TIRAP: variants seen among roughly 807,000 people sequenced by gnomAD.
The protein encoded by TIRAP is TIR domain containing adaptor protein, also known as toll/interleukin-1 receptor domain-containing adapter protein.
TIRAP carries 20 observed loss-of-function variants against 19.8 expected under a neutral mutation model. The observed-to-expected ratio is 1.01, with a 90% CI of 0.71 to 1.47. The LOEUF (loss-of-function observed/expected upper bound fraction) is 1.47. TIRAP is among the 40% of genes most tolerant of loss of function. The pLI is 0.00. For missense variants in TIRAP, 276 were observed against 285.1 expected, an observed-to-expected ratio of 0.97 and a Z score of 0.23; for synonymous variants, 125 against 121.7, an observed-to-expected ratio of 1.03 and a Z score of -0.18.
rs559677379 is a variant in TIRAP, at chr11:126,292,906, C to G, written c.497C>G (p.Thr166Ser). 2 of 1,613,730 alleles carry G rather than the reference C, an allele frequency of 1.2e-6. No individual in the cohort carries two copies. Among genetic ancestry groups the G allele is most frequent in the Non-Finnish European group, 1.7e-6 (2 of 1,179,946 alleles). ...AAGTACCAGATGCTGCAGGCCCTGA[C>G]CGAGGCTCCAGGGGCCGAGGGCTGC... Reference protein sequence around the residue: ...WCKYQMLQALTEAPGAEGCTI... With the variant: ...WCKYQMLQALSEAPGAEGCTI... Residue 166 changes from threonine (T) to serine (S), a missense_variant, in exon 4 of 5, where the codon ACC (threonine) becomes AGC (serine). Thr to Ser is a moderately conservative substitution (Grantham distance 58, BLOSUM62 1). Coordinates refer to ENST00000392679, the MANE Select transcript of TIRAP (RefSeq NM_001318777.2).
rs371258734 is a variant in TIRAP, at chr11:126,292,630, C to T, written c.221C>T (p.Ala74Val). 58 of 1,614,046 alleles carry T rather than the reference C, an allele frequency of 3.6e-5. No homozygotes were observed. The highest frequency in any genetic ancestry group is 5.5e-5 in the South Asian group (5 of 91,076). Residue 74 changes from alanine (A) to valine (V), a missense_variant, in exon 4 of 5, where the codon GCG (alanine) becomes GTG (valine). Transcript: ENST00000392679. ...TCTCCCAGCCTGCCACCCACACATGCGAGTGACAGTGGCAGTAGTCGCTGG... is the reference window on the plus strand; with the variant it reads ...TCTCCCAGCCTGCCACCCACACATGTGAGTGACAGTGGCAGTAGTCGCTGG... ...VTSPSLPPTH[A>V]SDSGSSRWSK...
chr11:126,291,159 C>T lies in TIRAP; in HGVS notation c.67+198C>T, dbSNP rs776177920. On this transcript the variant is annotated intron_variant, in intron 3 of 4. Coordinates refer to ENST00000392679, the MANE Select transcript of TIRAP (RefSeq NM_001318777.2). This position sits in a 1 kb window ranked among gnomAD's most constrained non-coding sequence, Gnocchi z 5.6. ...GAGGCCTGCGTCAGCTCAGCCAGAT[C>T]TTTATCCTTTTGGCTCAAAGGTTTT... 1.4e-6 allele frequency: 1 copy of T among 712,950 alleles called. No individual in the cohort carries two copies. Among genetic ancestry groups the T allele is most frequent in the Admixed American group, 3.0e-5 (1 of 33,846 alleles). The allele number at this position is 712,950 out of a possible 1,614,324, so 44.2% of individuals were successfully genotyped here.
Position 126,294,705 on chromosome 11 carries a change from T to C in TIRAP, c.*1018T>C. ...TCCAATGTGTACTTTTGTGCCCCCC[T>C]CTCACTTCTCCCTATCATGACCCCT... On this transcript the variant is annotated 3_prime_UTR_variant, in exon 5 of 5. Coordinates refer to ENST00000392679, the MANE Select transcript of TIRAP (RefSeq NM_001318777.2). 2.9e-6 allele frequency: 1 copy of C among 344,926 alleles called. No individual in the cohort carries two copies. The highest frequency in any genetic ancestry group is 5.8e-6 in the Non-Finnish European group (1 of 171,722). 21.4% of individuals were successfully genotyped at this position (344,926 alleles called of 1,614,324 possible).
Position 126,294,327 on chromosome 11 carries a change from AT to A in TIRAP, c.*646del. 1 of 352,876 alleles carries A rather than the reference AT, an allele frequency of 2.8e-6. No individual in the cohort carries two copies. The highest frequency in any genetic ancestry group is 5.6e-6 in the Non-Finnish European group (1 of 179,308). 21.9% of individuals were successfully genotyped at this position (352,876 alleles called of 1,614,324 possible). ...GAAGATGCAGTCAGCACTGCACTGTATTTTTTATTTATTGCCTAGGTGCCAT... is the reference window on the plus strand; with the variant it reads ...GAAGATGCAGTCAGCACTGCACTGTATTTTTATTTATTGCCTAGGTGCCAT... On this transcript the variant is annotated 3_prime_UTR_variant, in exon 5 of 5. Coordinates refer to ENST00000392679, the MANE Select transcript of TIRAP (RefSeq NM_001318777.2).
In TIRAP at chr11:126,294,910, A is replaced by G. The variant is rs1951455446; in HGVS notation, c.*1223A>G. On this transcript the variant is annotated 3_prime_UTR_variant, in exon 5 of 5. Transcript: ENST00000392679. ...CAGGAGTTCAAGACTAGCCTGGCCAATATGGTGAAACCCTGTCTCTACTAA... is the reference window on the plus strand; with the variant it reads ...CAGGAGTTCAAGACTAGCCTGGCCAGTATGGTGAAACCCTGTCTCTACTAA... 1 of 183,246 alleles carries G rather than the reference A, an allele frequency of 5.5e-6. No individual in the cohort carries two copies. The highest frequency in any genetic ancestry group is 1.2e-5 in the Non-Finnish European group (1 of 86,224). The allele number at this position is 183,246 out of a possible 1,614,324, so 11.4% of individuals were successfully genotyped here. A position where few individuals can be genotyped will look rare whatever the true frequency, so the allele number is the denominator to read the frequency against.
At position 126,294,069 on chromosome 11, in the gene TIRAP, T is replaced by C; in HGVS notation, c.*382T>C. On this transcript the variant is annotated 3_prime_UTR_variant, in exon 5 of 5. Transcript: ENST00000392679. ...ACAGGAAGCCTGGCACCCACTTCTG[T>C]CTTCCCCTGGAACTGGGCACTGGCG... 2 of 293,014 alleles carry C rather than the reference T, an allele frequency of 6.8e-6. No individual in the cohort carries two copies. Among genetic ancestry groups the C allele is most frequent in the South Asian group, 7.1e-5 (2 of 28,366 alleles). The allele number at this position is 293,014 out of a possible 1,614,324, so 18.2% of individuals were successfully genotyped here.
chr11:126,292,965 G>T lies in TIRAP; in HGVS notation c.556G>T (p.Ala186Ser), dbSNP rs1405805529. 5 of 1,614,046 alleles carry T rather than the reference G, an allele frequency of 3.1e-6. No homozygotes were observed. Among genetic ancestry groups the T allele is most frequent in the Middle Eastern group, 1.6e-4 (1 of 6,084 alleles). ...IPLLSGLSRA[A>S]YPPELRFMYY... ...CCTGCTGTCGGGCCTCAGCAGAGCT[G>T]CCTACCCACCTGAGCTCCGATTCAT... The change falls in exon 4 of 5, where the codon GCC (alanine) becomes TCC (serine). Residue 186 changes from alanine (A) to serine (S), a missense_variant. Coordinates refer to ENST00000392679, the MANE Select transcript of TIRAP (RefSeq NM_001318777.2).
In TIRAP at chr11:126,290,499, A is replaced by G. The variant is rs2135289129; in HGVS notation, c.-179A>G. 1.0e-6 allele frequency: 1 copy of G among 1,004,476 alleles called. No individual in the cohort carries two copies. The highest frequency in any genetic ancestry group is 1.7e-5 in the African/African-American group (1 of 58,084). 62.2% of individuals were successfully genotyped at this position (1,004,476 alleles called of 1,614,324 possible). ...AAGTCCTTCTAAAGAGCTGCCTGCC[A>G]GCTGCCCTTCCCCAGATCCCGAATA... On this transcript the variant is annotated 5_prime_UTR_variant, in exon 2 of 5. Coordinates refer to ENST00000392679, the MANE Select transcript of TIRAP (RefSeq NM_001318777.2). This position sits in a 1 kb window ranked among gnomAD's most constrained non-coding sequence, Gnocchi z 4.9.
chr11:126,293,200 C>T, intron 4 of TIRAP, 145 bp downstream of exon 4: 1 of 1,453,688 alleles, frequency 6.9e-7, no homozygotes, highest in Non-Finnish European at 9.3e-7. Context: ...CTGGCTCCTG[C>T]ACTTATTAAC....
In TIRAP at chr11:126,290,633, T is replaced by C. The variant is rs1007314793; in HGVS notation, c.-93+48T>C. ...GCTTTGGCTTTATCTAGAATCCAGCTCCAATCACAGTCGTGTCTGGCCCTA... is the reference window on the plus strand; with the variant it reads ...GCTTTGGCTTTATCTAGAATCCAGCCCCAATCACAGTCGTGTCTGGCCCTA... On this transcript the variant is annotated intron_variant, in intron 2 of 4. Transcript: ENST00000392679. This position sits in a 1 kb window ranked among gnomAD's most constrained non-coding sequence, Gnocchi z 4.9. 9.9e-5 allele frequency: 126 copies of C among 1,269,302 alleles called. No individual in the cohort carries two copies. The highest frequency in any genetic ancestry group is 1.2e-4 in the Non-Finnish European group (123 of 1,009,312). 78.6% of individuals were successfully genotyped at this position (1,269,302 alleles called of 1,614,324 possible). A position where few individuals can be genotyped will look rare whatever the true frequency, so the allele number is the denominator to read the frequency against.
At position 126,294,552 on chromosome 11, in the gene TIRAP, C is replaced by T. The variant is rs1565366245; in HGVS notation, c.*865C>T. On this transcript the variant is annotated 3_prime_UTR_variant, in exon 5 of 5. Coordinates refer to ENST00000392679, the MANE Select transcript of TIRAP (RefSeq NM_001318777.2). ...GATACTTTCACAGTCACCATCTTCA[C>T]CTTTGGACTGGGAAGAATCACCATT... 1 of 456,290 alleles carries T rather than the reference C, an allele frequency of 2.2e-6. No homozygotes were observed. The allele number at this position is 456,290 out of a possible 1,614,324, so 28.3% of individuals were successfully genotyped here. A position where few individuals can be genotyped will look rare whatever the true frequency, so the allele number is the denominator to read the frequency against.
chr11:126,284,417 G>C (rs148671043), intron 1 of TIRAP, among the ~76,000 whole-genome samples: 179 of 152,238 alleles, frequency 1.2e-3, no homozygotes, highest in African/African-American at 3.9e-3. Flanking sequence ...GTTTATTCTT[G>C]TTGGTATATA....
chr11:126,292,711 A>G lies in TIRAP; in HGVS notation c.302A>G (p.Gln101Arg). ...CHSEEDLVAA[Q>R]DLVSYLEGST... ...AGTGAGGAAGACCTGGTGGCCGCCC[A>G]GGACCTGGTCTCCTACTTGGAAGGC... is the stretch of plus-strand genomic sequence containing the variant. Residue 101 changes from glutamine (Q) to arginine (R), a missense_variant, in exon 4 of 5, where the codon CAG becomes CGG. Coordinates refer to ENST00000392679, the MANE Select transcript of TIRAP (RefSeq NM_001318777.2). 2 of 1,613,698 alleles carry G rather than the reference A, an allele frequency of 1.2e-6. No homozygotes were observed. Among genetic ancestry groups the G allele is most frequent in the Non-Finnish European group, 1.7e-6 (2 of 1,179,822 alleles).
chr11:126,293,459 G>C (rs755443998), intron 4 of TIRAP: 3 of 721,762 alleles, frequency 4.2e-6, no homozygotes, highest in Non-Finnish European at 7.5e-6. Flanking sequence ...TCAAGAGCTG[G>C]GAAGGTGCCA....
intron 1 of TIRAP, among the ~76,000 whole-genome samples, chr11:126,289,490 G>T (rs1951357551): frequency 6.6e-6 from 1 of 152,214 alleles, no homozygotes; most frequent in African/African-American, 2.4e-5. Flanking sequence ...TGTTGGCCAG[G>T]CTAGGCTTGA....
At position 126,287,253 on chromosome 11, in the gene TIRAP, C is replaced by T. The variant is rs1041108503; in HGVS notation, c.-216-3209C>T. Among the ~76,000 whole-genome samples the T allele has an allele frequency of 6.6e-6, 1 of 152,126 alleles. No homozygotes were observed. The highest frequency in any genetic ancestry group is 6.6e-5 in the Admixed American group (1 of 15,264). On this transcript the variant is annotated intron_variant, in intron 1 of 4. Transcript: ENST00000392679. This position sits in a 1 kb window ranked among gnomAD's most constrained non-coding sequence, Gnocchi z 4.2. ...TCTAATTATATGCCTTCACAGGCTC[C>T]AGTACATTCCCTATATAATAGAAAT...
rs1951446382 is a variant in TIRAP, at chr11:126,294,333, T to A, written c.*646T>A. On this transcript the variant is annotated 3_prime_UTR_variant, in exon 5 of 5. Coordinates refer to ENST00000392679, the MANE Select transcript of TIRAP (RefSeq NM_001318777.2). ...GCAGTCAGCACTGCACTGTATTTTT[T>A]ATTTATTGCCTAGGTGCCATTAAAG... The A allele has an allele frequency of 5.7e-6, 2 of 353,070 alleles. No individual in the cohort carries two copies. Among genetic ancestry groups the A allele is most frequent in the Non-Finnish European group, 5.6e-6 (1 of 179,442 alleles). 21.9% of individuals were successfully genotyped at this position (353,070 alleles called of 1,614,324 possible). A position where few individuals can be genotyped will look rare whatever the true frequency, so the allele number is the denominator to read the frequency against.
chr11:126,290,794 CCT>C lies in TIRAP; in HGVS notation c.-92-6_-92-5del, dbSNP rs1362059982. 2 of 1,506,162 alleles carry C rather than the reference CCT, an allele frequency of 1.3e-6. No individual in the cohort carries two copies. Among genetic ancestry groups the C allele is most frequent in the African/African-American group, 2.9e-5 (2 of 70,100 alleles). The allele number at this position is 1,506,162 out of a possible 1,614,324, so 93.3% of individuals were successfully genotyped here. On this transcript the variant is annotated splice_polypyrimidine_tract_variant and splice_region_variant and intron_variant, in intron 2 of 4. Transcript: ENST00000392679. The surrounding 1 kb of genome is among the most constrained non-coding windows in gnomAD (Gnocchi z 4.9). ...AGCCTTTGTGATTCTCTCTCTCTAC[CCT>C]CTGTAGGATGGCTGCTCCATGAGGT...
In TIRAP at chr11:126,292,558, CT is replaced by C. The variant is rs1299289963; in HGVS notation, c.150del (p.Thr51ProfsTer79). On this transcript the variant is annotated frameshift_variant, in exon 4 of 5. Coordinates refer to ENST00000392679, the MANE Select transcript of TIRAP (RefSeq NM_001318777.2). LOFTEE classifies it high-confidence loss of function. ...AGCACCTCCAGCGATGCTTCACAGCCTACCTCACAGGACAGCCCACTACCCC... is the reference window on the plus strand; with the variant it reads ...AGCACCTCCAGCGATGCTTCACAGCCACCTCACAGGACAGCCCACTACCCC... The part of the protein sequence containing the change: ...PESTSSDASQ[P>X]TSQDSPLPPS... The C allele has an allele frequency of 1.7e-5, 27 of 1,614,056 alleles. No homozygotes were observed. The highest frequency in any genetic ancestry group is 2.2e-5 in the Non-Finnish European group (26 of 1,180,048).
Sources: allele counts gnomAD v4.1 joint callset (sites outside exome capture counted in the v4.1 genomes callset), GRCh38; gene constraint gnomAD v4.1.1; non-coding constraint Gnocchi (gnomAD v3.1); transcripts MANE v1.5; gene names NCBI Gene and HGNC (gene_info 2026-07-23, HGNC 2026-07-21).